Variants in C6orf141 observed in about 807,000 individuals in gnomAD.
C6orf141 encodes chromosome 6 open reading frame 141.
For synonymous variants in C6orf141, 164 were observed against 140.5 expected, an observed-to-expected ratio of 1.17 and a Z score of -1.18; for missense variants, 361 against 335.8, an observed-to-expected ratio of 1.07 and a Z score of -0.59.
chr6:49,555,159 C>A (rs1364727334), downstream of C6orf141: 1 of 152,214 alleles, frequency 6.6e-6, no homozygotes, highest in Non-Finnish European at 1.5e-5. Context: ...CAGGATCAGG[C>A]AAGTGTTATC....
Position 49,550,697 on chromosome 6 carries a change from G to T in C6orf141, c.-96G>T. The stretch of plus-strand genomic sequence containing the variant: ...TTCAGCTTTCACCGGCTGGGAGTCC[G>T]GAGCTGCAGCAGAGGCCACACCCAG... On this transcript the variant is annotated 5_prime_UTR_variant, in exon 1 of 1. Transcript: ENST00000529246. 9.0e-7 allele frequency: 1 copy of T among 1,117,246 alleles called. No individual in the cohort carries two copies. The highest frequency in any genetic ancestry group is 1.9e-5 in the South Asian group (1 of 51,502). 69.2% of individuals were successfully genotyped at this position (1,117,246 alleles called of 1,614,324 possible). A position where few individuals can be genotyped will look rare whatever the true frequency, so the allele number is the denominator to read the frequency against.
Position 49,551,162 on chromosome 6 carries a change from C to G in C6orf141, c.370C>G (p.His124Asp). ...EDLPHAGGED[H>D]GEEPNYPSVF... Reference sequence around the variant, plus strand: ...CCTTCCTCATGCGGGTGGAGAGGACCACGGCGAGGAGCCCAACTACCCTTC... The same window carrying G: ...CCTTCCTCATGCGGGTGGAGAGGACGACGGCGAGGAGCCCAACTACCCTTC... The change falls in exon 1 of 1, where the codon CAC (histidine) becomes GAC (aspartate). Residue 124 changes from histidine to aspartate, a missense_variant. His to Asp is a moderately conservative substitution (Grantham distance 81, BLOSUM62 -1). Coordinates refer to ENST00000529246, the MANE Select transcript of C6orf141 (RefSeq NM_001145652.2). 6.4e-7 allele frequency: 1 copy of G among 1,551,646 alleles called. No individual in the cohort carries two copies. The highest frequency in any genetic ancestry group is 2.4e-5 in the East Asian group (1 of 40,906).
intron 4 of C6orf141, among the ~76,000 whole-genome samples, chr6:49,559,903 T>C (rs1221736029): frequency 6.6e-6 from 1 of 152,228 alleles, no homozygotes; most frequent in Non-Finnish European, 1.5e-5. Flanking sequence ...CTATGGACTT[T>C]CCAATCCAGC....
At position 49,550,709 on chromosome 6, in the gene C6orf141, G is replaced by GT; in HGVS notation, c.-84_-83insT. 1.6e-6 allele frequency: 2 copies of GT among 1,219,258 alleles called. No homozygotes were observed. The highest frequency in any genetic ancestry group is 2.2e-6 in the Non-Finnish European group (2 of 906,802). 75.5% of individuals were successfully genotyped at this position (1,219,258 alleles called of 1,614,324 possible). On this transcript the variant is annotated 5_prime_UTR_variant, in exon 1 of 1. Transcript: ENST00000529246. ...CGGCTGGGAGTCCGGAGCTGCAGCA[G>GT]AGGCCACACCCAGGGCTTGGTGGTC...
chr6:49,558,243 A>G (rs1246190351), intron 4 of C6orf141, among the ~76,000 whole-genome samples: 1 of 151,680 alleles, frequency 6.6e-6, no homozygotes, highest in Non-Finnish European at 1.5e-5. Flanking sequence ...CTTGCTGTTT[A>G]ACTCTGTCCC....
rs1177130739 is a variant in C6orf141 at position 49,552,064 on chromosome 6, TA to T, written c.*538del. ...ATTTTTCTCCCCCACATTTCAGTGTTAGAAAGAAAACGAGAGGAGCTAGGGA... is the reference window on the plus strand; with the variant it reads ...ATTTTTCTCCCCCACATTTCAGTGTTGAAAGAAAACGAGAGGAGCTAGGGA... On this transcript the variant is annotated 3_prime_UTR_variant, in exon 1 of 1. Transcript: ENST00000529246. 1.9e-6 allele frequency: 1 copy of T among 529,138 alleles called. No homozygotes were observed. Among genetic ancestry groups the T allele is most frequent in the East Asian group, 1.5e-4 (1 of 6,732 alleles). The allele number at this position is 529,138 out of a possible 1,614,324, so 32.8% of individuals were successfully genotyped here.
chr6:49,558,782 A>G (rs1772612632), intron 4 of C6orf141, among the ~76,000 whole-genome samples: 1 of 151,890 alleles, frequency 6.6e-6, no homozygotes, highest in African/African-American at 2.4e-5. Flanking sequence ...ATCTTGGCTC[A>G]CTGCAAGCTC....
chr6:49,554,771 C>T (rs1464758385), downstream of C6orf141: 2 of 152,152 alleles, frequency 1.3e-5, no homozygotes, highest in Non-Finnish European at 2.9e-5. Context: ...ACTCAACTTC[C>T]CTATTAACTG....
At chr6:49,555,248 G>A (rs6912178), downstream of C6orf141, 142,062 of 152,254 alleles carry the variant, frequency 0.93, 66,694 homozygotes, top group East Asian at 1. Context: ...ATTTTTGTTG[G>A]ATGTTACCAG....
downstream of C6orf141, among the ~76,000 whole-genome samples, chr6:49,554,443 C>T (rs189190137): frequency 8.8e-4 from 134 of 152,206 alleles, no homozygotes; most frequent in Middle Eastern, 3.4e-3. Flanking sequence ...TGCAGTGGCA[C>T]GATCTCTGCT....
rs1253770703 is a variant in C6orf141 at position 49,551,258 on chromosome 6, A to G, written c.466A>G (p.Lys156Glu). The stretch of plus-strand genomic sequence containing the variant: ...GCCGCGGGACGCAGCAGACCCACCC[A>G]AATACGTGCTTGTGCGGGTGGAGGA... ...APPRDAADPPKYVLVRVEDYQ... is the reference protein window; with the variant it reads ...APPRDAADPPEYVLVRVEDYQ... The change falls in exon 1 of 1, where the codon AAA (lysine) becomes GAA (glutamate). Residue 156 changes from lysine to glutamate, a missense_variant. Transcript: ENST00000529246. 1.3e-6 allele frequency: 2 copies of G among 1,551,540 alleles called. No individual in the cohort carries two copies. Among genetic ancestry groups the G allele is most frequent in the East Asian group, 2.4e-5 (1 of 40,910 alleles).
chr6:49,558,506 A>G (rs936983195), intron 4 of C6orf141, among the ~76,000 whole-genome samples: 3 of 151,804 alleles, frequency 2.0e-5, no homozygotes. Flanking sequence ...TTGACTTCCC[A>G]GGTTGTGACT....
intron 4 of C6orf141, among the ~76,000 whole-genome samples, chr6:49,559,956 A>G (rs1772947412): frequency 6.6e-6 from 1 of 152,156 alleles, no homozygotes; most frequent in Non-Finnish European, 1.5e-5. Flanking sequence ...GGTTTATCCT[A>G]CAGTCTTTCT....
intron 4 of C6orf141, among the ~76,000 whole-genome samples, chr6:49,557,393 G>A (rs544106101): frequency 6.6e-6 from 1 of 152,158 alleles, no homozygotes; most frequent in East Asian, 1.9e-4. Flanking sequence ...TTTGTGCTTG[G>A]CAGGAAAGCG....
intron 4 of C6orf141, among the ~76,000 whole-genome samples, chr6:49,560,221 A>G (rs1413731659): frequency 6.6e-6 from 1 of 152,038 alleles, no homozygotes; most frequent in Non-Finnish European, 1.5e-5. Context: ...TGGCTGAGGC[A>G]GAAGAATAGC....
downstream of C6orf141, chr6:49,552,693 T>G (rs1426689333): frequency 6.6e-6 from 1 of 152,286 alleles, no homozygotes; most frequent in Admixed American, 6.5e-5. Context: ...ATCTACCTCT[T>G]GCCTCCTGGC....
In C6orf141 at chr6:49,551,816, G is replaced by T; in HGVS notation, c.*289G>T. 2 of 1,268,398 alleles carry T rather than the reference G, an allele frequency of 1.6e-6. No homozygotes were observed. Among genetic ancestry groups the T allele is most frequent in the East Asian group, 4.3e-5 (1 of 23,408 alleles). 78.6% of individuals were successfully genotyped at this position (1,268,398 alleles called of 1,614,324 possible). On this transcript the variant is annotated 3_prime_UTR_variant, in exon 1 of 1. Transcript: ENST00000529246. ...AAATGAGAAAACCTGTTGTTAATTT[G>T]CATTTTGGAATAACTCTCAATTGAT...
chr6:49,550,998 G>T lies in C6orf141; in HGVS notation c.206G>T (p.Arg69Leu), dbSNP rs567532118. ...GGGHEDRTADRALGPRAGEEL... is the reference protein window; with the variant it reads ...GGGHEDRTADLALGPRAGEEL... ...GGCCACGAGGACAGAACGGCAGATC[G>T]GGCCCTCGGACCTCGGGCCGGGGAG... The change falls in exon 1 of 1, where the codon CGG (arginine) becomes CTG (leucine). Residue 69 changes from arginine to leucine, a missense_variant. Physicochemically the swap from Arg to Leu is moderately radical, Grantham distance 102. Transcript: ENST00000529246. The T allele has an allele frequency of 2.6e-6, 4 of 1,551,062 alleles. No homozygotes were observed. The East Asian group carries it at 7.3e-5, about 28-fold the overall frequency.
chr6:49,554,366 C>G (rs1267998756), downstream of C6orf141, among the ~76,000 whole-genome samples: 1 of 152,188 alleles, frequency 6.6e-6, no homozygotes, highest in East Asian at 1.9e-4. Context: ...TCCTTTAAAC[C>G]AAATATGTTT....
Sources: gnomAD v4.1 joint callset for allele counts (sites outside exome capture counted in the v4.1 genomes callset) on GRCh38, gnomAD v4.1.1 for gene constraint, MANE v1.5 for transcripts, NCBI Gene and HGNC (gene_info 2026-07-23, HGNC 2026-07-21) for gene names.